The following FSTL5 variants were observed in gnomAD, a reference collection of about 807,000 sequenced individuals.
FSTL5 encodes the protein follistatin like 5.
FSTL5 carries 62 observed loss-of-function variants against 89.1 expected under a neutral mutation model. That is an observed-to-expected ratio of 0.70 (90% CI 0.57 to 0.86). The LOEUF (loss-of-function observed/expected upper bound fraction) is 0.86. Ranked by LOEUF, FSTL5 falls within the 40% of genes least tolerant of loss-of-function variation. The pLI is 0.00. For synonymous variants in FSTL5, 383 were observed against 346.2 expected, an observed-to-expected ratio of 1.11 and a Z score of -1.18; for missense variants, 1,057 against 1,001.6, an observed-to-expected ratio of 1.06 and a Z score of -0.75.
At chr4:161,979,153 TCAGAGGCTTGAAATGTC>T (rs1735744707) in intron 3 of FSTL5, among the ~76,000 whole-genome samples, 2 of 152,292 alleles carry the variant, frequency 1.3e-5, no homozygotes, top group East Asian at 3.9e-4. Context: ...CTATGGGATG[TCAGAGGCTTGAAATGTC>T]CTAGCCCATA....
intron 8 of FSTL5, among the ~76,000 whole-genome samples, chr4:161,574,585 T>G (rs769636751): frequency 9.2e-5 from 14 of 152,114 alleles, no homozygotes; most frequent in Non-Finnish European, 1.9e-4. Flanking sequence ...ATTGTTCAAC[T>G]CCCACTTATG....
intron 2 of FSTL5, among the ~76,000 whole-genome samples, chr4:162,082,803 A>G (rs1287376184): frequency 6.9e-6 from 1 of 144,530 alleles, no homozygotes; most frequent in Non-Finnish European, 1.5e-5. Context: ...GCAAGGACAT[A>G]AAACTTTTTC....
At chr4:161,513,565 A>G (rs146527796) in intron 10 of FSTL5, among the ~76,000 whole-genome samples, 1 of 152,344 alleles carries the variant, frequency 6.6e-6, no homozygotes, top group East Asian at 1.9e-4. Flanking sequence ...ACTATTCACA[A>G]TAGCAAAGAT....
At chr4:162,050,703 A>G (rs923150613) in intron 2 of FSTL5, among the ~76,000 whole-genome samples, 3 of 151,322 alleles carry the variant, frequency 2.0e-5, no homozygotes, top group African/African-American at 7.2e-5. Flanking sequence ...ACAGAGAGAG[A>G]AACTAGTTCC....
chr4:162,043,635 T>A (rs186216416), intron 2 of FSTL5, among the ~76,000 whole-genome samples: 111 of 152,294 alleles, frequency 7.3e-4, no homozygotes, highest in African/African-American at 2.3e-3. Context: ...ATGAAAGATT[T>A]CTCTGTAGCA....
chr4:161,801,817 A>C (rs1230333735), intron 4 of FSTL5, among the ~76,000 whole-genome samples: 1 of 151,638 alleles, frequency 6.6e-6, no homozygotes, highest in African/African-American at 2.4e-5. Context: ...GTTGTGATTG[A>C]AATGTGTGAA....
chr4:161,478,610 A>T (rs201406634), intron 13 of FSTL5, among the ~76,000 whole-genome samples: 1 of 150,316 alleles, frequency 6.7e-6, no homozygotes, highest in African/African-American at 2.4e-5. Context: ...ATTTTTTTTT[A>T]AAGGTGTTAA....
chr4:161,968,402 A>AT (rs1194415747), intron 3 of FSTL5, among the ~76,000 whole-genome samples: 1 of 152,176 alleles, frequency 6.6e-6, no homozygotes, highest in African/African-American at 2.4e-5. Context: ...TATAAAAGAG[A>AT]TAAAAACACA....
chr4:161,420,745 C>A (rs1731957833), intron 15 of FSTL5, among the ~76,000 whole-genome samples: 2 of 150,252 alleles, frequency 1.3e-5, no homozygotes, highest in Non-Finnish European at 3.0e-5. Flanking sequence ...CATATATATG[C>A]CTTACTACAT....
intron 5 of FSTL5, among the ~76,000 whole-genome samples, chr4:161,772,269 T>C (rs1741235600): frequency 2.0e-5 from 3 of 152,174 alleles, no homozygotes; most frequent in Admixed American, 6.5e-5. Context: ...CTTAGAGTTA[T>C]ATATTACATT....
At chr4:161,588,189 T>G (rs1733684345) in intron 7 of FSTL5, among the ~76,000 whole-genome samples, 1 of 151,990 alleles carries the variant, frequency 6.6e-6, no homozygotes. Context: ...AAATAAATAA[T>G]TACAAATTAA....
At chr4:161,393,743 T>C (rs192442467) in intron 15 of FSTL5, among the ~76,000 whole-genome samples, 1 of 152,162 alleles carries the variant, frequency 6.6e-6, no homozygotes, top group Admixed American at 6.5e-5. Flanking sequence ...CTGCTGGTCC[T>C]GGAAGAAAGG....
chr4:161,658,828 T>C (rs1736609419), intron 6 of FSTL5, among the ~76,000 whole-genome samples: 1 of 152,090 alleles, frequency 6.6e-6, no homozygotes, highest in African/African-American at 2.4e-5. Context: ...TTCTGGTTCC[T>C]CATTAAATTA....
At chr4:161,547,133 C>A (rs999696408) in intron 8 of FSTL5, among the ~76,000 whole-genome samples, 1 of 151,970 alleles carries the variant, frequency 6.6e-6, no homozygotes, top group Non-Finnish European at 1.5e-5. Context: ...CAACAGCCAG[C>A]AAAAAACTAA....
rs1266913993 is a variant in FSTL5, at chr4:161,958,912, C to A, written c.161-38260G>T. Among the ~76,000 whole-genome samples the A allele has an allele frequency of 2.0e-5, 3 of 152,112 alleles. No individual in the cohort carries two copies. The East Asian group carries it at 5.8e-4, about 29-fold the overall frequency. Reference sequence around the variant, plus strand: ...TTCCAGTATTTTGTCCTTTGAACTGCAGCCTTAGCCTTCCTAGATTCTCAG... The same window carrying A: ...TTCCAGTATTTTGTCCTTTGAACTGAAGCCTTAGCCTTCCTAGATTCTCAG... On this transcript the variant is annotated intron_variant, in intron 3 of 15. Transcript: ENST00000306100.
intron 5 of FSTL5, among the ~76,000 whole-genome samples, chr4:161,761,699 T>C (rs980577813): frequency 6.6e-6 from 1 of 152,228 alleles, no homozygotes; most frequent in Non-Finnish European, 1.5e-5. Context: ...TTGGTCATGA[T>C]GATACAACTT....
chr4:162,094,779 A>G (rs536473810), intron 2 of FSTL5, among the ~76,000 whole-genome samples: 1 of 152,136 alleles, frequency 6.6e-6, no homozygotes, highest in Non-Finnish European at 1.5e-5. Flanking sequence ...GAATTACAGG[A>G]GATATTTTGT....
intron 15 of FSTL5, among the ~76,000 whole-genome samples, chr4:161,448,062 G>T (rs1293883387): frequency 2.0e-5 from 3 of 152,058 alleles, no homozygotes; most frequent in Non-Finnish European, 4.4e-5. Context: ...CACAATTTCA[G>T]AACTTATGCG....
chr4:162,077,185 C>T (rs1729886001), intron 2 of FSTL5, among the ~76,000 whole-genome samples: 1 of 151,708 alleles, frequency 6.6e-6, no homozygotes, highest in South Asian at 2.1e-4. Flanking sequence ...GTGGTCTTCC[C>T]TGGCAGAAAA....
Sources: allele counts gnomAD v4.1 joint callset (sites outside exome capture counted in the v4.1 genomes callset), GRCh38; gene constraint gnomAD v4.1.1; transcripts MANE v1.5; gene names NCBI Gene and HGNC (gene_info 2026-07-23, HGNC 2026-07-21).